DSCAM: variants seen among roughly 807,000 people sequenced by gnomAD.
DSCAM encodes the protein DS cell adhesion molecule, also known as cell adhesion molecule DSCAM.
A neutral mutation model predicts 217.7 loss-of-function variants in DSCAM; 47 were observed. The observed-to-expected ratio is 0.22, with a 90% CI of 0.17 to 0.28. The LOEUF (loss-of-function observed/expected upper bound fraction) is 0.28. Among genes scored for constraint, DSCAM ranks in the 10% least tolerant of loss-of-function variants. The pLI is 1.00. For missense variants in DSCAM, 2,080 were observed against 2,618.3 expected, an observed-to-expected ratio of 0.79 and a Z score of 4.49; for synonymous variants, 1,056 against 1,015.3, an observed-to-expected ratio of 1.04 and a Z score of -0.76.
chr21:40,015,577 A>T lies in DSCAM; in HGVS notation c.5687-2191T>A, dbSNP rs530650592. Among the ~76,000 whole-genome samples, 5 of 152,236 alleles carry T rather than the reference A, an allele frequency of 3.3e-5. No individual in the cohort carries two copies. The East Asian group carries it at 7.7e-4, about 24-fold the overall frequency. ...CCAGAGTAGCTAGGGCTACAGTTAC[A>T]TACCACCATGCCTGGCTAATTATTA... On this transcript the variant is annotated intron_variant, in intron 32 of 32. Transcript: ENST00000400454.
At chr21:40,825,443 G>A (rs1005349917) in intron 1 of DSCAM, among the ~76,000 whole-genome samples, 4 of 151,816 alleles carry the variant, frequency 2.6e-5, no homozygotes, top group East Asian at 1.9e-4. Context: ...TCAGCTTCCC[G>A]AGTAGCTGGA....
At chr21:40,180,906 T>C (rs547262970) in intron 14 of DSCAM, among the ~76,000 whole-genome samples, 1 of 151,998 alleles carries the variant, frequency 6.6e-6, no homozygotes, top group African/African-American at 2.4e-5. Flanking sequence ...CACCTCCACA[T>C]CCATGCCCTA....
intron 30 of DSCAM, among the ~76,000 whole-genome samples, chr21:40,045,857 A>G (rs932305750): frequency 3.9e-5 from 6 of 151,966 alleles, no homozygotes; most frequent in Non-Finnish European, 7.3e-5. Flanking sequence ...TGAGCCTGGC[A>G]GTGTCTCCAG....
chr21:40,300,288 C>T (rs2074000643), intron 9 of DSCAM, among the ~76,000 whole-genome samples: 1 of 152,144 alleles, frequency 6.6e-6, no homozygotes, highest in Non-Finnish European at 1.5e-5. Flanking sequence ...CCATTAAGGT[C>T]CTCAAAAAAG....
intron 32 of DSCAM, among the ~76,000 whole-genome samples, chr21:40,022,521 T>A (rs1156456384): frequency 6.6e-6 from 1 of 152,128 alleles, no homozygotes; most frequent in African/African-American, 2.4e-5. Context: ...CCACAAGGAG[T>A]TACGACCTCA....
At chr21:40,709,712 G>A (rs529596142) in intron 1 of DSCAM, among the ~76,000 whole-genome samples, 18 of 152,284 alleles carry the variant, frequency 1.2e-4, no homozygotes, top group African/African-American at 3.4e-4. Context: ...GTGTGTATGT[G>A]CCACATTTTC....
chr21:40,656,155 T>G (rs2146369418), intron 3 of DSCAM, among the ~76,000 whole-genome samples: 1 of 152,272 alleles, frequency 6.6e-6, no homozygotes, highest in East Asian at 1.9e-4. Context: ...TCACATTGGG[T>G]TTTAGGTTCC....
intron 10 of DSCAM, among the ~76,000 whole-genome samples, chr21:40,285,719 T>C (rs2073815973): frequency 6.6e-6 from 1 of 152,194 alleles, no homozygotes; most frequent in Non-Finnish European, 1.5e-5. Context: ...CAGAGCTCCT[T>C]TTGTTGTGCA....
chr21:40,805,912 G>A (rs1320936511), intron 1 of DSCAM, among the ~76,000 whole-genome samples: 1 of 152,016 alleles, frequency 6.6e-6, no homozygotes, highest in Non-Finnish European at 1.5e-5. Context: ...GTTTCACCAT[G>A]TTAGCCAGGA....
At chr21:40,557,358 T>A (rs1481851631) in intron 3 of DSCAM, among the ~76,000 whole-genome samples, 2 of 152,096 alleles carry the variant, frequency 1.3e-5, no homozygotes, top group Non-Finnish European at 1.5e-5. Flanking sequence ...GTCTCTTGCT[T>A]CTTTTTTTCT....
intron 11 of DSCAM, among the ~76,000 whole-genome samples, chr21:40,224,732 A>T (rs2091316432): frequency 6.6e-6 from 1 of 152,244 alleles, no homozygotes; most frequent in African/African-American, 2.4e-5. Context: ...ATTTGCTTTC[A>T]TATTTTCTAA....
chr21:40,834,430 AAT>A (rs2092039898), intron 1 of DSCAM, among the ~76,000 whole-genome samples: 1 of 25,480 alleles, frequency 3.9e-5, no homozygotes, highest in Non-Finnish European at 8.6e-5. Flanking sequence ...ATAATAAAAT[AAT>A]AATAATAATA....
At chr21:40,609,787 G>A (rs1047624512) in intron 3 of DSCAM, among the ~76,000 whole-genome samples, 2 of 152,240 alleles carry the variant, frequency 1.3e-5, no homozygotes, top group Admixed American at 1.3e-4. Context: ...GAGCTAATGG[G>A]AGGCCAGCAT....
At chr21:40,193,408 C>A (rs1221175007) in intron 11 of DSCAM, among the ~76,000 whole-genome samples, 2 of 152,066 alleles carry the variant, frequency 1.3e-5, no homozygotes, top group African/African-American at 4.8e-5. Flanking sequence ...ACAAAAGTAA[C>A]CTAAATTACA....
At chr21:40,792,992 A>G (rs949366332) in intron 1 of DSCAM, among the ~76,000 whole-genome samples, 4 of 152,196 alleles carry the variant, frequency 2.6e-5, no homozygotes, top group Non-Finnish European at 5.9e-5. Flanking sequence ...TAGTTCTTAG[A>G]TGTATATTTA....
intron 3 of DSCAM, among the ~76,000 whole-genome samples, chr21:40,413,430 A>C (rs1471105807): frequency 1.3e-5 from 2 of 152,224 alleles, no homozygotes; most frequent in East Asian, 3.9e-4. Flanking sequence ...TTGCATCAGC[A>C]TGACCCAGAT....
chr21:40,670,552 T>TAAAAACA (rs2090261833), intron 3 of DSCAM, among the ~76,000 whole-genome samples: 1 of 77,328 alleles, frequency 1.3e-5, no homozygotes, highest in Non-Finnish European at 3.3e-5. Context: ...AAAAAAAAAG[T>TAAAAACA]GACTACTTTA....
At chr21:40,137,270 G>C (rs970057504) in intron 18 of DSCAM, among the ~76,000 whole-genome samples, 10 of 147,078 alleles carry the variant, frequency 6.8e-5, no homozygotes, top group African/African-American at 2.0e-4. Flanking sequence ...ATTGGGGGGG[G>C]GGTTCAAGTT....
Position 40,578,391 on chromosome 21 carries a change from G to A in DSCAM, c.508+114419C>T, listed in dbSNP as rs377023979. The stretch of plus-strand genomic sequence containing the variant: ...GCGCTCTGTGTCTAGCTAAAGGATT[G>A]TAAATGCACCAGTCAGCACTCTGTA... On this transcript the variant is annotated intron_variant, in intron 3 of 32. Transcript: ENST00000400454. 3.2e-4 allele frequency among the ~76,000 whole-genome samples: 49 copies of A among 152,156 alleles called. 1 individual carries two copies. The South Asian group carries it at 0.01, about 32-fold the overall frequency.
Sources: allele counts gnomAD v4.1 joint callset (sites outside exome capture counted in the v4.1 genomes callset), GRCh38; gene constraint gnomAD v4.1.1; transcripts MANE v1.5; gene names NCBI Gene and HGNC (gene_info 2026-07-23, HGNC 2026-07-21).